RSRC1: variants seen among roughly 807,000 people sequenced by gnomAD.
RSRC1 encodes arginine and serine rich coiled-coil 1.
A neutral mutation model predicts 49.1 loss-of-function variants in RSRC1; 39 were observed. The ratio of observed to expected loss-of-function variants is 0.79; its 90% CI spans 0.61 to 1.04. RSRC1 has a LOEUF of 1.04. Among genes scored for constraint, RSRC1 ranks in the 50% least tolerant of loss-of-function variants. The probability of loss-of-function intolerance (pLI) is 0.00; values close to 1 mark genes in which losing one functional copy is unlikely to be tolerated. For missense variants in RSRC1, 388 were observed against 402.4 expected, an observed-to-expected ratio of 0.96 and a Z score of 0.31; for synonymous variants, 143 against 130.8, an observed-to-expected ratio of 1.09 and a Z score of -0.63.
At chr3:158,275,719 G>T in intron 4 of RSRC1, 1 of 393,682 alleles carries the variant, frequency 2.5e-6, no homozygotes, top group Non-Finnish European at 3.9e-6. Context: ...ATAATCTGCA[G>T]ACTAGTTTTA....
chr3:158,535,711 T>C (rs1370105435), intron 7 of RSRC1, among the ~76,000 whole-genome samples: 1 of 151,402 alleles, frequency 6.6e-6, no homozygotes, highest in Non-Finnish European at 1.5e-5. Flanking sequence ...AAGAGGATCC[T>C]ACTACCCAAA....
At chr3:158,130,024 C>A (rs374158459) in intron 3 of RSRC1, among the ~76,000 whole-genome samples, 6 of 152,286 alleles carry the variant, frequency 3.9e-5, no homozygotes, top group Admixed American at 1.3e-4. Flanking sequence ...GTGACTTAAA[C>A]AACATAAATA....
intron 6 of RSRC1, among the ~76,000 whole-genome samples, chr3:158,446,727 T>C (rs1321789223): frequency 6.6e-6 from 1 of 152,054 alleles, no homozygotes; most frequent in Non-Finnish European, 1.5e-5. Context: ...TTTTCTTATC[T>C]CTTCTACCTT....
At chr3:158,206,912 T>TCAAAAAAAAAAAA (rs1433440974) in intron 4 of RSRC1, among the ~76,000 whole-genome samples, 2 of 152,132 alleles carry the variant, frequency 1.3e-5, no homozygotes, top group African/African-American at 4.8e-5. Flanking sequence ...AGACTCCGTT[T>TCAAAAAAAAAAAA]AAAAAAACAA....
At chr3:158,434,283 A>G (rs756079453) in intron 6 of RSRC1, among the ~76,000 whole-genome samples, 4 of 151,942 alleles carry the variant, frequency 2.6e-5, no homozygotes, top group South Asian at 2.1e-4. Flanking sequence ...TGATGCTTTT[A>G]GGTAGGGTTT....
intron 5 of RSRC1, among the ~76,000 whole-genome samples, chr3:158,342,036 A>C (rs1158857710): frequency 6.6e-6 from 1 of 152,144 alleles, no homozygotes; most frequent in Non-Finnish European, 1.5e-5. Flanking sequence ...ATATTTACCC[A>C]ATACCTGTAC....
chr3:158,515,551 T>C (rs1182283192), intron 7 of RSRC1, among the ~76,000 whole-genome samples: 6 of 135,188 alleles, frequency 4.4e-5, no homozygotes, highest in African/African-American at 1.7e-4. Flanking sequence ...TCATTTCAAC[T>C]TTGGTGAATC....
chr3:158,183,759 T>TA (rs899815646), intron 3 of RSRC1, among the ~76,000 whole-genome samples: 17 of 151,514 alleles, frequency 1.1e-4, no homozygotes, highest in African/African-American at 3.2e-4. Context: ...TCTCCAAAAA[T>TA]AAAAAAATTA....
intron 6 of RSRC1, among the ~76,000 whole-genome samples, chr3:158,438,638 C>G (rs928167256): frequency 3.3e-5 from 5 of 152,154 alleles, no homozygotes; most frequent in Non-Finnish European, 7.3e-5. Context: ...GAAACTGGAT[C>G]ACTTCCTTAC....
At chr3:158,488,252 CTT>C (rs1290204828) in intron 7 of RSRC1, among the ~76,000 whole-genome samples, 1 of 151,964 alleles carries the variant, frequency 6.6e-6, no homozygotes, top group African/African-American at 2.4e-5. Context: ...TGAAGGAACT[CTT>C]TTAATAAGTA....
At position 158,122,022 on chromosome 3, in the gene RSRC1, T is replaced by A. The variant is rs79325654; in HGVS notation, c.-2-81T>A. ...CCCATCTCTAAAATAAATAAATAAA[T>A]GAAATAAAAAATTAATATATTGCAT... On this transcript the variant is annotated intron_variant, in intron 1 of 9. Transcript: ENST00000611884. 5,455 of 768,252 alleles carry A rather than the reference T, an allele frequency of 7.1e-3. 221 individuals carry two copies. In the African/African-American group the frequency reaches 0.089, roughly 13 times the overall value. 47.6% of individuals were successfully genotyped at this position (768,252 alleles called of 1,614,324 possible). A position where few individuals can be genotyped will look rare whatever the true frequency, so the allele number is the denominator to read the frequency against.
At chr3:158,389,927 A>C (rs959155316) in intron 6 of RSRC1, among the ~76,000 whole-genome samples, 4 of 152,196 alleles carry the variant, frequency 2.6e-5, no homozygotes, top group African/African-American at 9.7e-5. Flanking sequence ...TAAGGACAAT[A>C]ACTGCACCCA....
intron 4 of RSRC1, among the ~76,000 whole-genome samples, chr3:158,294,087 A>G (rs1227157003): frequency 1.3e-5 from 2 of 152,114 alleles, no homozygotes; most frequent in African/African-American, 4.8e-5. Context: ...AATCTCTGTC[A>G]TTATTTCTTC....
chr3:158,209,767 G>T (rs532926734), intron 4 of RSRC1, among the ~76,000 whole-genome samples: 1 of 152,130 alleles, frequency 6.6e-6, no homozygotes, highest in East Asian at 1.9e-4. Context: ...TTTGAGAGAG[G>T]TAAGAATTTG....
intron 5 of RSRC1, among the ~76,000 whole-genome samples, chr3:158,324,760 G>A (rs1728979497): frequency 6.6e-6 from 1 of 152,136 alleles, no homozygotes; most frequent in Non-Finnish European, 1.5e-5. Context: ...TAATGAGATG[G>A]CTAGGTCAAA....
At chr3:158,171,357 C>T (rs1179452393) in intron 3 of RSRC1, among the ~76,000 whole-genome samples, 1 of 151,920 alleles carries the variant, frequency 6.6e-6, no homozygotes, top group Non-Finnish European at 1.5e-5. Flanking sequence ...TACAAATAAG[C>T]AGGAAAATGT....
chr3:158,470,347 CACACACACACACACATATAT>C (rs1434222528), intron 7 of RSRC1, among the ~76,000 whole-genome samples: 9 of 117,474 alleles, frequency 7.7e-5, no homozygotes, highest in African/African-American at 2.5e-4. Flanking sequence ...CACACACACA[CACACACACACACACATATAT>C]ATATATATAT....
At chr3:158,209,824 C>T (rs559745812) in intron 4 of RSRC1, among the ~76,000 whole-genome samples, 10 of 152,060 alleles carry the variant, frequency 6.6e-5, no homozygotes, top group African/African-American at 2.2e-4. Flanking sequence ...GATGGTGGTA[C>T]TTAAAAAGCT....
chr3:158,453,119 C>A (rs1200954613), intron 6 of RSRC1, among the ~76,000 whole-genome samples: 2 of 151,998 alleles, frequency 1.3e-5, no homozygotes, highest in Non-Finnish European at 2.9e-5. Context: ...CATAATATTG[C>A]ACTGTGTTTA....
Sources: gnomAD v4.1 joint callset for allele counts (sites outside exome capture counted in the v4.1 genomes callset) on GRCh38, gnomAD v4.1.1 for gene constraint, MANE v1.5 for transcripts, NCBI Gene and HGNC (gene_info 2026-07-23, HGNC 2026-07-21) for gene names.